DLGAP1: variants seen among roughly 807,000 people sequenced by gnomAD.
DLGAP1 encodes DLG associated protein 1, also known as disks large-associated protein 1.
In DLGAP1, 11 loss-of-function variants were observed where a neutral mutation model predicts 90.8. The observed-to-expected ratio is 0.12, with a 90% CI of 0.08 to 0.20. The LOEUF (loss-of-function observed/expected upper bound fraction) is 0.20, where lower values mean the gene tolerates loss of function less well. Among genes scored for constraint, DLGAP1 ranks in the 10% least tolerant of loss-of-function variants. DLGAP1 has a pLI of 1.00. For synonymous variants in DLGAP1, 558 were observed against 540.7 expected, an observed-to-expected ratio of 1.03 and a Z score of -0.44; for missense variants, 1,050 against 1,333.8, an observed-to-expected ratio of 0.79 and a Z score of 3.31.
chr18:4,135,571 C>T (rs1449389708), intron 2 of DLGAP1, among the ~76,000 whole-genome samples: 3 of 152,138 alleles, frequency 2.0e-5, no homozygotes, highest in Non-Finnish European at 4.4e-5. Flanking sequence ...TATATTTTTG[C>T]ACCCATTAAC....
intron 5 of DLGAP1, among the ~76,000 whole-genome samples, chr18:3,745,321 C>T (rs1296268843): frequency 6.6e-6 from 1 of 152,168 alleles, no homozygotes; most frequent in Non-Finnish European, 1.5e-5. Context: ...AAATTGTACA[C>T]TTGAAAATGG....
chr18:4,122,866 T>A (rs1440868875), intron 2 of DLGAP1, among the ~76,000 whole-genome samples: 2 of 152,084 alleles, frequency 1.3e-5, no homozygotes, highest in Non-Finnish European at 2.9e-5. Flanking sequence ...TTCTCCCTTC[T>A]CTTTCAGGAG....
intron 1 of DLGAP1, among the ~76,000 whole-genome samples, chr18:4,222,821 T>G (rs2144983932): frequency 6.6e-6 from 1 of 150,966 alleles, no homozygotes; most frequent in Non-Finnish European, 1.5e-5. Context: ...GTGGGTAAAC[T>G]GATACAGGCA....
intron 7 of DLGAP1, among the ~76,000 whole-genome samples, chr18:3,725,557 T>C (rs1175468395): frequency 6.6e-6 from 1 of 152,236 alleles, no homozygotes; most frequent in African/African-American, 2.4e-5. Context: ...TACCCTGATA[T>C]TCCTACTGTA....
chr18:4,281,387 C>T (rs507621), intron 1 of DLGAP1, among the ~76,000 whole-genome samples: 1 of 151,808 alleles, frequency 6.6e-6, no homozygotes, highest in Non-Finnish European at 1.5e-5. Flanking sequence ...TCCGTCTGTA[C>T]TAAAAAAATA....
chr18:4,414,027 C>T (rs2082838372), intron 1 of DLGAP1, among the ~76,000 whole-genome samples: 2 of 152,206 alleles, frequency 1.3e-5, no homozygotes. Flanking sequence ...CAACAGGCTG[C>T]ATTCAATGCC....
chr18:4,409,542 C>A (rs1425721490), intron 1 of DLGAP1, among the ~76,000 whole-genome samples: 1 of 152,072 alleles, frequency 6.6e-6, no homozygotes, highest in South Asian at 2.1e-4. Flanking sequence ...TGAGAGACAA[C>A]GACTTTAGTT....
At chr18:3,666,174 C>G (rs112680566) in intron 7 of DLGAP1, among the ~76,000 whole-genome samples, 2 of 152,256 alleles carry the variant, frequency 1.3e-5, no homozygotes, top group African/African-American at 4.8e-5. Flanking sequence ...CAGAAAGACC[C>G]AGGAAACCTT....
At position 4,314,819 on chromosome 18, in the gene DLGAP1, T is replaced by C. The variant is rs972971005; in HGVS notation, c.-267+140187A>G. ...GGTGAAGAATAAAAGAAAAGTCTAA[T>C]TGGTAGACAGGCAGGTGACAAGAAG... On this transcript the variant is annotated intron_variant, in intron 1 of 12. Transcript: ENST00000315677. Among the ~76,000 whole-genome samples the C allele has an allele frequency of 2.6e-5, 4 of 152,272 alleles. No individual in the cohort carries two copies. The South Asian group carries it at 8.3e-4, about 32-fold the overall frequency.
intron 1 of DLGAP1, among the ~76,000 whole-genome samples, chr18:4,269,600 C>T (rs973804979): frequency 1.2e-4 from 18 of 151,886 alleles, no homozygotes; most frequent in African/African-American, 3.6e-4. Context: ...GTGATCCACC[C>T]GCCTTGGCCT....
chr18:3,593,645 T>A (rs955862626), intron 7 of DLGAP1: 1 of 152,160 alleles, frequency 6.6e-6, no homozygotes, highest in Non-Finnish European at 1.5e-5. Context: ...ATTCCTGTAG[T>A]CATAAGACAC....
intron 3 of DLGAP1, among the ~76,000 whole-genome samples, chr18:3,892,905 T>C (rs1599119797): frequency 1.4e-5 from 2 of 147,718 alleles, no homozygotes; most frequent in African/African-American, 2.5e-5. Flanking sequence ...TATATATAAA[T>C]ATATATATTT....
At chr18:3,821,009 AT>A (rs1251781069) in intron 4 of DLGAP1, among the ~76,000 whole-genome samples, 2 of 152,194 alleles carry the variant, frequency 1.3e-5, no homozygotes, top group African/African-American at 4.8e-5. Flanking sequence ...AAAAGGTAAA[AT>A]GCAATGGCTC....
intron 1 of DLGAP1, among the ~76,000 whole-genome samples, chr18:4,422,146 A>G (rs985289518): frequency 6.6e-6 from 1 of 152,028 alleles, no homozygotes; most frequent in African/African-American, 2.4e-5. Flanking sequence ...CTAGTATAAA[A>G]TGCCCAATAA....
intron 5 of DLGAP1, among the ~76,000 whole-genome samples, chr18:3,756,601 A>G (rs1422538560): frequency 6.6e-6 from 1 of 152,266 alleles, no homozygotes; most frequent in East Asian, 1.9e-4. Flanking sequence ...AAGCAGAATG[A>G]AGCATATAAT....
At chr18:4,015,880 A>G (rs2074514688) in intron 2 of DLGAP1, among the ~76,000 whole-genome samples, 1 of 152,236 alleles carries the variant, frequency 6.6e-6, no homozygotes, top group South Asian at 2.1e-4. Flanking sequence ...TGTTGAGCTA[A>G]CAATTCTTAC....
rs115761519 is a variant in DLGAP1 at position 4,322,688 on chromosome 18, G to A, written c.-267+132318C>T. Among the ~76,000 whole-genome samples, 1,455 of 152,186 alleles carry A rather than the reference G, an allele frequency of 9.6e-3. 28 individuals carry two copies. Among genetic ancestry groups the A allele is most frequent in the African/African-American group, 0.034 (1,395 of 41,530 alleles). ...AAAAGCTACTGCATAGAGGCCAGAC[G>A]TGGTGGCTCACGCGTGTAATCCCAG... On this transcript the variant is annotated intron_variant, in intron 1 of 12. Transcript: ENST00000315677.
chr18:4,322,667 G>A (rs2080720028), intron 1 of DLGAP1, among the ~76,000 whole-genome samples: 1 of 152,058 alleles, frequency 6.6e-6, no homozygotes, highest in African/African-American at 2.4e-5. Flanking sequence ...AAAGTAAAAA[G>A]CTACTGCATA....
At chr18:3,756,610 A>G (rs931143669) in intron 5 of DLGAP1, among the ~76,000 whole-genome samples, 1 of 152,162 alleles carries the variant, frequency 6.6e-6, no homozygotes, top group African/African-American at 2.4e-5. Flanking sequence ...GAAGCATATA[A>G]TAGCTATTAT....
Sources: allele counts gnomAD v4.1 joint callset (sites outside exome capture counted in the v4.1 genomes callset), GRCh38; gene constraint gnomAD v4.1.1; transcripts MANE v1.5; gene names NCBI Gene and HGNC (gene_info 2026-07-23, HGNC 2026-07-21).